The following CES2 variants were observed in gnomAD, a reference collection of about 807,000 sequenced individuals.
CES2 encodes cocaine esterase.
CES2 carries 42 observed loss-of-function variants against 52.1 expected under a neutral mutation model. The ratio of observed to expected loss-of-function variants is 0.81; its 90% CI spans 0.63 to 1.04. The LOEUF (loss-of-function observed/expected upper bound fraction) is 1.04, where lower values mean the gene tolerates loss of function less well. Among genes scored for constraint, CES2 ranks in the 50% least tolerant of loss-of-function variants. The pLI is 0.00. For missense variants in CES2, 656 were observed against 724.3 expected (o/e 0.91, Z 1.08); for synonymous variants, 277 against 289.6 (o/e 0.96, Z 0.44).
chr16:66,940,361 A>G lies in CES2; in HGVS notation c.557+6A>G, dbSNP rs779782688. ...GGTGTCCTGGGCTTCTTCAGGTGAG[A>G]CTAGGGCTGGGCTGGGCAACCCGGG... On this transcript the variant is annotated splice_donor_region_variant and intron_variant, in intron 4 of 11. Transcript: ENST00000317091. 1 of 1,614,086 alleles carries G rather than the reference A, an allele frequency of 6.2e-7. No homozygotes were observed. The highest frequency in any genetic ancestry group is 1.1e-5 in the South Asian group (1 of 91,076).
Position 66,944,054 on chromosome 16 carries a change from T to C in CES2, c.*29T>C. On this transcript the variant is annotated 3_prime_UTR_variant, in exon 12 of 12. Transcript: ENST00000317091. ...CCTGTGCCGGGGAGGAGGGGGTGGG[T>C]TCGCTGACAGGCGAGGGTCAGCCTG... The C allele has an allele frequency of 4.8e-6, 6 of 1,256,980 alleles. No individual in the cohort carries two copies. Among genetic ancestry groups the C allele is most frequent in the South Asian group, 1.6e-5 (1 of 64,314 alleles). 77.9% of individuals were successfully genotyped at this position (1,256,980 alleles called of 1,614,324 possible).
In CES2 at chr16:66,943,611, C is replaced by T; in HGVS notation, c.1494-228C>T. ...GCTGTGCCACCGTCAGGGCCTCCCT[C>T]TCAGAGAGAGGGACACAACAGAGCT... On this transcript the variant is annotated intron_variant, in intron 11 of 11. Transcript: ENST00000317091. This position sits in a 1 kb window ranked among gnomAD's most constrained non-coding sequence, Gnocchi z 4.2. 3.4e-6 allele frequency: 2 copies of T among 586,424 alleles called. No homozygotes were observed. The highest frequency in any genetic ancestry group is 4.5e-5 in the South Asian group (2 of 44,874). 36.3% of individuals were successfully genotyped at this position (586,424 alleles called of 1,614,324 possible).
chr16:66,935,073 C>G (rs1963166455), upstream of CES2: 1 of 212,008 alleles, frequency 4.7e-6, no homozygotes, highest in Non-Finnish European at 9.6e-6. Context: ...GAAGGGGAAC[C>G]CAGGAAACTG....
rs61735428 is a variant in CES2, at chr16:66,941,580, C to T, written c.990C>T (p.Ala330=). ...ACCCCCAGGAGCTGCTGGCCTCTGC[C>T]GACTTTCAGCCTGTCCCTAGCATTG... ...PRHPQELLAS[A]DFQPVPSIVG... is the part of the protein sequence containing the mutation. The change falls in exon 7 of 12, where the codon GCC becomes GCT. Residue 330 remains alanine, a synonymous_variant. Transcript: ENST00000317091. The T allele has an allele frequency of 9.1e-4, 1,461 of 1,614,150 alleles. 3 individuals carry two copies. The highest frequency in any genetic ancestry group is 1.1e-3 in the Non-Finnish European group (1,255 of 1,180,012).
rs2145510930 is a variant in CES2, at chr16:66,943,386, C to T, written c.1493+15C>T. 1.2e-6 allele frequency: 2 copies of T among 1,613,726 alleles called. No homozygotes were observed. Among genetic ancestry groups the T allele is most frequent in the East Asian group, 2.2e-5 (1 of 44,866 alleles). On this transcript the variant is annotated intron_variant, in intron 11 of 11. Coordinates refer to ENST00000317091, the MANE Select transcript of CES2 (RefSeq NM_001365405.1). This position sits in a 1 kb window ranked among gnomAD's most constrained non-coding sequence, Gnocchi z 4.2. ...GCGAGAAATGGGTGAGACAGCACAC[C>T]CCTGCCTCAACCTCCCCGATTGGGG...
chr16:66,939,090 G>T, intron 2 of CES2, 127 bp from the exon 3 acceptor site: 1 of 767,402 alleles, frequency 1.3e-6, no homozygotes, highest in Admixed American at 2.3e-5. Context: ...AGGGATTTTT[G>T]AGAGGGATCA....
rs1408332245 is a variant in CES2, at chr16:66,942,258, A to G, written c.1282+9A>G. On this transcript the variant is annotated intron_variant, in intron 9 of 11. Transcript: ENST00000317091. ...AGTAGCACATTTTCAGTGTGAGTATATTTGGACCAAAGCCTGGCGGGCAGG... is the reference window on the plus strand; with the variant it reads ...AGTAGCACATTTTCAGTGTGAGTATGTTTGGACCAAAGCCTGGCGGGCAGG... 1.2e-6 allele frequency: 2 copies of G among 1,602,812 alleles called. No individual in the cohort carries two copies. Among genetic ancestry groups the G allele is most frequent in the Non-Finnish European group, 1.7e-6 (2 of 1,171,880 alleles).
At chr16:66,942,328 C>A in intron 9 of CES2, 79 bp downstream of exon 9, 1 of 1,433,476 alleles carries the variant, frequency 7.0e-7, no homozygotes, top group Non-Finnish European at 9.5e-7. Context: ...TGCTGCTGTC[C>A]GGGTCAGCAC....
Position 66,942,821 on chromosome 16 carries a change from A to G in CES2, c.1420+36A>G, listed in dbSNP as rs774655617. 1.9e-6 allele frequency: 3 copies of G among 1,613,578 alleles called. No individual in the cohort carries two copies. In the South Asian group the frequency reaches 3.3e-5, roughly 18 times the overall value. ...TTCCTTTCCCGGGAGGTGGGCTGGG[A>G]TTCTGGCTGGGTCTCTGAGCGATGA... is the stretch of plus-strand genomic sequence containing the variant. On this transcript the variant is annotated intron_variant, in intron 10 of 11. Coordinates refer to ENST00000317091, the MANE Select transcript of CES2 (RefSeq NM_001365405.1).
upstream of CES2, chr16:66,935,336 C>A: frequency 8.1e-7 from 1 of 1,239,156 alleles, no homozygotes; most frequent in Non-Finnish European, 1.1e-6. Flanking sequence ...CCCTGGATCG[C>A]GGAAGGGCTG....
Position 66,943,495 on chromosome 16 carries a change from C to G in CES2, c.1493+124C>G. 2.0e-6 allele frequency: 2 copies of G among 993,952 alleles called. No individual in the cohort carries two copies. The highest frequency in any genetic ancestry group is 3.1e-6 in the Non-Finnish European group (2 of 654,726). 61.6% of individuals were successfully genotyped at this position (993,952 alleles called of 1,614,324 possible). On this transcript the variant is annotated intron_variant, in intron 11 of 11. Transcript: ENST00000317091. This position sits in a 1 kb window ranked among gnomAD's most constrained non-coding sequence, Gnocchi z 4.2. The stretch of plus-strand genomic sequence containing the variant: ...CCTTCATCACATGATGGCCCCTTCC[C>G]CAGCTCCGGGACCCACTCAGACAGG...
At chr16:66,937,907 G>A (rs1053702591) in intron 1 of CES2, 130 bp from the exon 2 acceptor site, 7 of 749,168 alleles carry the variant, frequency 9.3e-6, no homozygotes, top group African/African-American at 8.7e-5. Context: ...CAGGAAGTTT[G>A]TAAAGCCCAT....
chr16:66,938,488 G>A (rs1963271519), intron 2 of CES2: 2 of 557,228 alleles, frequency 3.6e-6, no homozygotes, highest in South Asian at 2.2e-5. Context: ...GCCGAAGGGA[G>A]GGGCAGACAC....
upstream of CES2, chr16:66,935,375 G>A: frequency 2.0e-6 from 3 of 1,493,676 alleles, no homozygotes; most frequent in Non-Finnish European, 2.7e-6. Context: ...TTCCGAGGAT[G>A]CCAAAGGAGC....
chr16:66,937,806 G>A (rs959601742), intron 1 of CES2, among the ~76,000 whole-genome samples: 7 of 152,192 alleles, frequency 4.6e-5, no homozygotes, highest in African/African-American at 1.7e-4. Flanking sequence ...AAGGTCCTAG[G>A]GCTGAATGAT....
chr16:66,934,546 G>T, upstream of CES2: 1 of 881,978 alleles, frequency 1.1e-6, no homozygotes, highest in Non-Finnish European at 1.7e-6. This position sits in a 1 kb window ranked among gnomAD's most constrained non-coding sequence, Gnocchi z 4.1. Context: ...TCGGACCCGG[G>T]AACATGATGG....
chr16:66,938,044 C>T lies in CES2; in HGVS notation c.84C>T (p.Asp28=). 4 of 1,614,048 alleles carry T rather than the reference C, an allele frequency of 2.5e-6. No individual in the cohort carries two copies. The highest frequency in any genetic ancestry group is 2.5e-6 in the Non-Finnish European group (3 of 1,179,880). The change falls in exon 2 of 12, where the codon GAC becomes GAT. Residue 28 remains aspartate (D), a synonymous_variant. Transcript: ENST00000317091. ...LLLLVRGQGQ[D]SASPIRTTHT... ...CTGTCTCTCTGCCCACAGGCCAGGA[C>T]TCAGCCAGTCCCATCCGGACCACAC...
intron 7 of CES2, 54 bp from the exon 8 acceptor site, chr16:66,941,714 C>T: frequency 6.2e-7 from 1 of 1,613,722 alleles, no homozygotes; most frequent in Non-Finnish European, 8.5e-7. Context: ...TTCAGGGCTT[C>T]ATAGCTCCAG....
chr16:66,935,200 TC>T (rs1963168711), upstream of CES2: 1 of 430,792 alleles, frequency 2.3e-6, no homozygotes, highest in African/African-American at 2.0e-5. Flanking sequence ...ATCTGGGGGA[TC>T]CTGAACGTGC....
Sources: gnomAD v4.1 joint callset for allele counts (sites outside exome capture counted in the v4.1 genomes callset) on GRCh38, gnomAD v4.1.1 for gene constraint, Gnocchi (gnomAD v3.1) non-coding constraint, MANE v1.5 for transcripts, NCBI Gene and HGNC (gene_info 2026-07-23, HGNC 2026-07-21) for gene names.